The following RUNX1 variants were observed in gnomAD, a reference collection of about 807,000 sequenced individuals.
The protein encoded by RUNX1 is runt-related transcription factor 1.
Under a neutral mutation model 42.8 loss-of-function variants are expected in RUNX1, and 19 were observed. That is an observed-to-expected ratio of 0.44 (90% CI 0.31 to 0.65). The LOEUF is 0.65. Among genes scored for constraint, RUNX1 ranks in the 30% least tolerant of loss-of-function variants. The probability of loss-of-function intolerance (pLI) is 0.07; values close to 1 mark genes in which losing one functional copy is unlikely to be tolerated. For synonymous variants in RUNX1, 271 were observed against 289.4 expected (o/e 0.94, Z 0.64); for missense variants, 528 against 672.0 (o/e 0.79, Z 2.37).
At chr21:34,963,536 A>T (rs2058696207) in intron 2 of RUNX1, among the ~76,000 whole-genome samples, 1 of 152,190 alleles carries the variant, frequency 6.6e-6, no homozygotes, top group South Asian at 2.1e-4. Context: ...GAGGTTCAAC[A>T]TCCATCCTTC....
rs937951601 is a variant in RUNX1, at chr21:34,839,351, C to T, written c.614-4750G>A. Among the ~76,000 whole-genome samples, 9 of 150,734 alleles carry T rather than the reference C, an allele frequency of 6.0e-5. 1 individual carries two copies. Among genetic ancestry groups the T allele is most frequent in the East Asian group, 1.9e-4 (1 of 5,156 alleles). On this transcript the variant is annotated intron_variant, in intron 6 of 8. Transcript: ENST00000675419. ...GTGCACCTAGAAATTCAACACTCAC[C>T]GACACACACACTCGGGATGTACACT...
intron 7 of RUNX1, among the ~76,000 whole-genome samples, chr21:34,813,571 C>G (rs1353807213): frequency 6.6e-6 from 1 of 152,068 alleles, no homozygotes; most frequent in Non-Finnish European, 1.5e-5. Flanking sequence ...CTCTCTCAGT[C>G]TCATGGCCTG....
intron 2 of RUNX1, chr21:35,038,448 T>G: frequency 2.2e-6 from 1 of 449,574 alleles, no homozygotes; most frequent in East Asian, 7.0e-5. Flanking sequence ...AGAAGCTACG[T>G]CCTGGTGAGC....
intron 2 of RUNX1, among the ~76,000 whole-genome samples, chr21:34,899,300 C>G (rs1055552296): frequency 6.6e-6 from 1 of 152,122 alleles, no homozygotes; most frequent in Admixed American, 6.5e-5. Flanking sequence ...CTATGTGCTG[C>G]TATGAGTAGG....
intron 2 of RUNX1, among the ~76,000 whole-genome samples, chr21:34,941,457 A>G (rs538385577): frequency 4.7e-4 from 72 of 152,346 alleles, no homozygotes; most frequent in African/African-American, 1.6e-3. Flanking sequence ...TGAGCAGGGC[A>G]TCTAACTTCA....
intron 7 of RUNX1, among the ~76,000 whole-genome samples, chr21:34,809,095 T>C (rs909795450): frequency 6.6e-6 from 1 of 152,188 alleles, no homozygotes; most frequent in Non-Finnish European, 1.5e-5. Flanking sequence ...CTGTGCACTT[T>C]CTGCACCTCT....
At position 34,790,610 on chromosome 21, in the gene RUNX1, T is replaced by A. The variant is rs1283595520; in HGVS notation, c.*1525A>T. ...ACATGAATCTTTCCTGTCACACTGG[T>A]GCACAGGTAAAAGCCCATATACCCC... On this transcript the variant is annotated 3_prime_UTR_variant, in exon 9 of 9. Transcript: ENST00000675419. 8.6e-6 allele frequency: 2 copies of A among 233,290 alleles called. No individual in the cohort carries two copies. The highest frequency in any genetic ancestry group is 4.4e-5 in the African/African-American group (2 of 45,460). 14.5% of individuals were successfully genotyped at this position (233,290 alleles called of 1,614,324 possible).
chr21:34,857,953 G>A (rs1044044932), intron 6 of RUNX1, among the ~76,000 whole-genome samples: 1 of 152,210 alleles, frequency 6.6e-6, no homozygotes, highest in African/African-American at 2.4e-5. Flanking sequence ...CCAAGTCTAG[G>A]CATGGCCAGA....
intron 5 of RUNX1, among the ~76,000 whole-genome samples, chr21:34,867,956 C>T (rs1022240564): frequency 3.3e-5 from 5 of 152,152 alleles, no homozygotes; most frequent in East Asian, 1.9e-4. Flanking sequence ...CTCCTGATTC[C>T]GATAGTGCCC....
chr21:34,796,638 G>C (rs924641344), intron 8 of RUNX1, among the ~76,000 whole-genome samples: 2 of 152,234 alleles, frequency 1.3e-5, no homozygotes, highest in African/African-American at 2.4e-5. Flanking sequence ...TCGCTCTCCA[G>C]CTTGACATGG....
chr21:34,967,037 C>T (rs558145071), intron 2 of RUNX1, among the ~76,000 whole-genome samples: 3 of 152,132 alleles, frequency 2.0e-5, no homozygotes, highest in South Asian at 2.1e-4. Context: ...AAAACACATT[C>T]ACAAACGTGT....
rs2056439511 is a variant in RUNX1, at chr21:34,791,869, C to CCGG, written c.*263_*265dup. On this transcript the variant is annotated 3_prime_UTR_variant, in exon 9 of 9. Coordinates refer to ENST00000675419, the MANE Select transcript of RUNX1 (RefSeq NM_001754.5). ...CCAGCGCGTCCCCTGGGTGCTGGGG[C>CCGG]CGGCGGACACCCTCGAGGTGCGTCG... is the stretch of plus-strand genomic sequence containing the variant. 3.9e-6 allele frequency: 1 copy of CCGG among 257,134 alleles called. No homozygotes were observed. Among genetic ancestry groups the CCGG allele is most frequent in the South Asian group, 1.3e-4 (1 of 7,796 alleles). 15.9% of individuals were successfully genotyped at this position (257,134 alleles called of 1,614,324 possible).
At chr21:34,844,846 C>T (rs1216104738) in intron 6 of RUNX1, among the ~76,000 whole-genome samples, 1 of 152,244 alleles carries the variant, frequency 6.6e-6, no homozygotes, top group Non-Finnish European at 1.5e-5. Context: ...TTGCAAAGCC[C>T]TTGGACAGAT....
chr21:34,993,145 G>A (rs1231679488), intron 2 of RUNX1, among the ~76,000 whole-genome samples: 1 of 152,236 alleles, frequency 6.6e-6, no homozygotes, highest in Admixed American at 6.5e-5. Context: ...TAGGGTGACT[G>A]CTTTGAGGAA....
intron 5 of RUNX1, among the ~76,000 whole-genome samples, chr21:34,867,772 C>T (rs2057683495): frequency 1.3e-5 from 2 of 152,158 alleles, no homozygotes; most frequent in Admixed American, 1.3e-4. Flanking sequence ...TTAACCAAAA[C>T]ACCCCAAAAC....
intron 6 of RUNX1, among the ~76,000 whole-genome samples, chr21:34,846,126 C>T (rs952877726): frequency 2.6e-5 from 4 of 151,082 alleles, no homozygotes; most frequent in African/African-American, 9.7e-5. Flanking sequence ...GGTCTCTGAC[C>T]AGCCAGCTTT....
chr21:34,804,866 C>T (rs983680854), intron 7 of RUNX1, among the ~76,000 whole-genome samples: 3 of 151,978 alleles, frequency 2.0e-5, no homozygotes, highest in Non-Finnish European at 2.9e-5. Context: ...CTCAGCCTCC[C>T]GAGTAGCTGG....
intron 2 of RUNX1, among the ~76,000 whole-genome samples, chr21:34,998,667 G>A (rs1185607734): frequency 4.6e-5 from 7 of 151,912 alleles, no homozygotes; most frequent in Middle Eastern, 3.4e-3. Context: ...TCAGCCTCCC[G>A]AGTAGCTGGG....
At chr21:34,891,474 C>T (rs779544631) in intron 3 of RUNX1, among the ~76,000 whole-genome samples, 2 of 152,104 alleles carry the variant, frequency 1.3e-5, no homozygotes, top group Non-Finnish European at 2.9e-5. Flanking sequence ...GCAGGGGCTC[C>T]GGGGAAAGGG....
Sources: allele counts gnomAD v4.1 joint callset (sites outside exome capture counted in the v4.1 genomes callset), GRCh38; gene constraint gnomAD v4.1.1; transcripts MANE v1.5; gene names NCBI Gene and HGNC (gene_info 2026-07-23, HGNC 2026-07-21).